GPC1: variants seen among roughly 807,000 people sequenced by gnomAD.
The protein encoded by GPC1 is glypican-1.
A neutral mutation model predicts 51.5 loss-of-function variants in GPC1; 26 were observed. The observed-to-expected ratio is 0.50, with a 90% CI of 0.37 to 0.70. The LOEUF is 0.70. Ranked by LOEUF, GPC1 falls within the 30% of genes least tolerant of loss-of-function variation. The pLI is 0.00. For synonymous variants in GPC1, 380 were observed against 348.3 expected (o/e 1.09, Z -1.01); for missense variants, 775 against 800.5 (o/e 0.97, Z 0.38).
chr2:240,463,300 G>T (rs1360737273), intron 3 of GPC1, 47 bp from the exon 4 acceptor site: 1 of 1,573,728 alleles, frequency 6.4e-7, no homozygotes, highest in African/African-American at 1.4e-5. Flanking sequence ...CCGGGGCCAG[G>T]CACCCCCAGG....
rs147136487 is a variant in GPC1 at position 240,446,992 on chromosome 2, C to T, written c.166+10908C>T. On this transcript the variant is annotated intron_variant, in intron 1 of 8. Transcript: ENST00000264039. ...CATCCATGGGGGGATAAGGGGTGTCCATCCACAGCCGTGTTGGGAGCCCAG... is the reference window on the plus strand; with the variant it reads ...CATCCATGGGGGGATAAGGGGTGTCTATCCACAGCCGTGTTGGGAGCCCAG... Among the ~76,000 whole-genome samples, 314 of 152,232 alleles carry T rather than the reference C, an allele frequency of 2.1e-3. 2 individuals are homozygous for T. The Middle Eastern group carries it at 0.031, about 15-fold the overall frequency.
At chr2:240,449,023 G>C (rs1042884632) in intron 1 of GPC1, among the ~76,000 whole-genome samples, 4 of 152,128 alleles carry the variant, frequency 2.6e-5, no homozygotes, top group South Asian at 2.1e-4. Flanking sequence ...TGAGACCTGG[G>C]GGGGAAGCCA....
Position 240,459,083 on chromosome 2 carries a change from G to C in GPC1, c.220G>C (p.Glu74Gln). 1 of 1,612,870 alleles carries C rather than the reference G, an allele frequency of 6.2e-7. No homozygotes were observed. Among genetic ancestry groups the C allele is most frequent in the Non-Finnish European group, 8.5e-7 (1 of 1,179,900 alleles). ...CTACACCTGCTGCACCAGCGAGATG[G>C]AGGAGAACCTGGCCAACCGCAGCCA... Reference protein sequence around the residue: ...QGYTCCTSEMEENLANRSHAE... With the variant: ...QGYTCCTSEMQENLANRSHAE... Residue 74 changes from glutamate (E) to glutamine (Q), a missense_variant, in exon 2 of 9, where the codon GAG becomes CAG. Physicochemically the swap from Glu to Gln is conservative, Grantham distance 29. Coordinates refer to ENST00000264039, the MANE Select transcript of GPC1 (RefSeq NM_002081.3).
chr2:240,466,098 G>A lies in GPC1; in HGVS notation c.1485G>A (p.Leu495=), dbSNP rs1192381243. 4.3e-6 allele frequency: 7 copies of A among 1,612,474 alleles called. No individual in the cohort carries two copies. Among genetic ancestry groups the A allele is most frequent in the Middle Eastern group, 1.7e-4 (1 of 6,056 alleles). ...GSGSGSGDGC[L]DDLCSRKVSR... is the part of the protein sequence containing the mutation. ...GCTCGGGCAGCGGTGATGGCTGTCT[G>A]GATGACCTCTGCAGCCGGAAGGTCA... Residue 495 remains leucine, a synonymous_variant, in exon 9 of 9, where the codon CTG becomes CTA. Coordinates refer to ENST00000264039, the MANE Select transcript of GPC1 (RefSeq NM_002081.3).
intron 1 of GPC1, among the ~76,000 whole-genome samples, chr2:240,447,124 G>T (rs116341633): frequency 6.6e-6 from 1 of 152,090 alleles, no homozygotes; most frequent in Non-Finnish European, 1.5e-5. Flanking sequence ...AGGCAGAGAC[G>T]GGGCTGGGGG....
chr2:240,458,124 C>G (rs1287203595), intron 1 of GPC1: 2 of 461,682 alleles, frequency 4.3e-6, no homozygotes, highest in Non-Finnish European at 4.5e-6. Flanking sequence ...CCCTGTAAGC[C>G]CCGGTTTTCT....
In GPC1 at chr2:240,467,687, C is replaced by G. The variant is rs554224765; in HGVS notation, c.*1397C>G. 5 of 152,512 alleles carry G rather than the reference C, an allele frequency of 3.3e-5. No homozygotes were observed. Among genetic ancestry groups the G allele is most frequent in the African/African-American group, 9.6e-5 (4 of 41,578 alleles). The allele number at this position is 152,512 out of a possible 1,614,324, so 9.4% of individuals were successfully genotyped here. On this transcript the variant is annotated 3_prime_UTR_variant, in exon 9 of 9. Transcript: ENST00000264039. Reference sequence around the variant, plus strand: ...GCTGCTTTGCTTTTCATCACCGTCCCGCACAGTGGACGGAGGTCCCCGGTT... The same window carrying G: ...GCTGCTTTGCTTTTCATCACCGTCCGGCACAGTGGACGGAGGTCCCCGGTT...
In GPC1 at chr2:240,464,724, A is replaced by C; in HGVS notation, c.992A>C (p.Asn331Thr). ...LAEAINALQDNRDTLTAKVIQ... is the reference protein window; with the variant it reads ...LAEAINALQDTRDTLTAKVIQ... ...GAGGCCATCAACGCCCTCCAGGACAACAGGGACACGCTCACGGCCAAGGTG... is the reference window on the plus strand; with the variant it reads ...GAGGCCATCAACGCCCTCCAGGACACCAGGGACACGCTCACGGCCAAGGTG... The change falls in exon 5 of 9, where the codon AAC becomes ACC. Residue 331 changes from asparagine (N) to threonine (T), a missense_variant. By Grantham distance (65) the Asn-to-Thr change is moderately conservative (BLOSUM62 0). Coordinates refer to ENST00000264039, the MANE Select transcript of GPC1 (RefSeq NM_002081.3). 6.2e-7 allele frequency: 1 copy of C among 1,610,992 alleles called. No individual in the cohort carries two copies. The highest frequency in any genetic ancestry group is 1.3e-5 in the African/African-American group (1 of 74,992).
At position 240,450,690 on chromosome 2, in the gene GPC1, T is replaced by C. The variant is rs73102073; in HGVS notation, c.167-8340T>C. The C allele has an allele frequency of 9.1e-3, 4,232 of 467,272 alleles. 160 individuals carry two copies. The highest frequency in any genetic ancestry group is 0.077 in the African/African-American group (3,839 of 49,648). 28.9% of individuals were successfully genotyped at this position (467,272 alleles called of 1,614,324 possible). Reference sequence around the variant, plus strand: ...GGGAGGAGGTGCTGGCTTGGGGGGGTGTGGCTCGTGGGCCATGCTGGCAGT... The same window carrying C: ...GGGAGGAGGTGCTGGCTTGGGGGGGCGTGGCTCGTGGGCCATGCTGGCAGT... On this transcript the variant is annotated intron_variant, in intron 1 of 8. Coordinates refer to ENST00000264039, the MANE Select transcript of GPC1 (RefSeq NM_002081.3).
chr2:240,464,493 C>A (rs764567488), intron 4 of GPC1, 123 bp from the exon 5 acceptor site: 1 of 1,328,864 alleles, frequency 7.5e-7, no homozygotes, highest in Non-Finnish European at 1.1e-6. Flanking sequence ...GTGGGATCTC[C>A]CATGCTGACC....
chr2:240,437,558 C>T (rs894956770), intron 1 of GPC1, among the ~76,000 whole-genome samples: 1 of 152,156 alleles, frequency 6.6e-6, no homozygotes, highest in Non-Finnish European at 1.5e-5. Flanking sequence ...CCCCCCTCAC[C>T]CCACTGGGCT....
intron 2 of GPC1, among the ~76,000 whole-genome samples, chr2:240,460,187 T>A (rs1299192592): frequency 6.6e-6 from 1 of 152,076 alleles, no homozygotes; most frequent in Non-Finnish European, 1.5e-5. Context: ...GGCGTACACC[T>A]GGGTAGCAGT....
intron 1 of GPC1, among the ~76,000 whole-genome samples, chr2:240,444,069 G>A (rs2151786629): frequency 6.6e-6 from 1 of 152,334 alleles, no homozygotes; most frequent in East Asian, 1.9e-4. Flanking sequence ...GGCACCGGGA[G>A]CGCACAGGAG....
chr2:240,441,383 G>A (rs929264681), intron 1 of GPC1, among the ~76,000 whole-genome samples: 3 of 122,098 alleles, frequency 2.5e-5, no homozygotes, highest in Admixed American at 8.6e-5. Context: ...CACATCTGCC[G>A]TGCCCGGGCC....
intron 1 of GPC1, chr2:240,450,153 G>A (rs1175326976): frequency 5.9e-6 from 2 of 340,332 alleles, no homozygotes. Context: ...TCCCCTAATT[G>A]TGGCTGTGGG....
At chr2:240,455,834 G>A (rs1574770258) in intron 1 of GPC1, among the ~76,000 whole-genome samples, 1 of 152,310 alleles carries the variant, frequency 6.6e-6, no homozygotes, top group Non-Finnish European at 1.5e-5. Flanking sequence ...TGTGGCCCCG[G>A]CCTGCGCCGG....
chr2:240,456,200 G>A, intron 1 of GPC1: 1 of 254,798 alleles, frequency 3.9e-6, no homozygotes, highest in South Asian at 3.2e-5. Flanking sequence ...GGTGTGAGAG[G>A]TGGCTGACGG....
chr2:240,457,024 G>C (rs1340857147), intron 1 of GPC1, among the ~76,000 whole-genome samples: 2 of 152,174 alleles, frequency 1.3e-5, no homozygotes, highest in Non-Finnish European at 2.9e-5. Context: ...CCTCCAGCAG[G>C]CATCTGGAGG....
In GPC1 at chr2:240,448,892, A is replaced by G. The variant is rs1445280426; in HGVS notation, c.167-10138A>G. Among the ~76,000 whole-genome samples the G allele has an allele frequency of 6.6e-6, 1 of 151,958 alleles. No individual in the cohort carries two copies. The highest frequency in any genetic ancestry group is 1.5e-5 in the Non-Finnish European group (1 of 67,962). ...GACCCTAGTTTTGCAAGAGTGGCCT[A>G]ATCTCCATACCTGGGCTCGGGGTGC... On this transcript the variant is annotated intron_variant, in intron 1 of 8. Coordinates refer to ENST00000264039, the MANE Select transcript of GPC1 (RefSeq NM_002081.3). The surrounding 1 kb of genome is among the most constrained non-coding windows in gnomAD (Gnocchi z 4.5).
Sources: gnomAD v4.1 joint callset for allele counts (sites outside exome capture counted in the v4.1 genomes callset) on GRCh38, gnomAD v4.1.1 for gene constraint, Gnocchi (gnomAD v3.1) non-coding constraint, MANE v1.5 for transcripts, NCBI Gene and HGNC (gene_info 2026-07-23, HGNC 2026-07-21) for gene names.